CLVS2: variants seen among roughly 807,000 people sequenced by gnomAD.
CLVS2 encodes clavesin 2, also known as clavesin-2.
A neutral mutation model predicts 29.0 loss-of-function variants in CLVS2; 19 were observed. The observed-to-expected ratio is 0.66, with a 90% CI of 0.46 to 0.96. The LOEUF is 0.96. Ranked by LOEUF, CLVS2 falls within the 40% of genes least tolerant of loss-of-function variation. The pLI is 0.00. For synonymous variants in CLVS2, 161 were observed against 151.3 expected, an observed-to-expected ratio of 1.06 and a Z score of -0.47; for missense variants, 294 against 404.1, an observed-to-expected ratio of 0.73 and a Z score of 2.34.
chr6:123,031,773 A>T (rs1455109200), intron 3 of CLVS2, among the ~76,000 whole-genome samples: 2 of 151,762 alleles, frequency 1.3e-5, no homozygotes, highest in African/African-American at 4.8e-5. Flanking sequence ...CCAGGGATGT[A>T]TTGGAAGTCT....
rs141146350 is a variant in CLVS2, at chr6:123,066,998, T to A, written c.*3237T>A. 52 of 151,814 alleles carry A rather than the reference T, an allele frequency of 3.4e-4. No individual in the cohort carries two copies. Among genetic ancestry groups the A allele is most frequent in the African/African-American group, 1.2e-3 (50 of 41,522 alleles). 9.4% of individuals were successfully genotyped at this position (151,814 alleles called of 1,614,324 possible). A position where few individuals can be genotyped will look rare whatever the true frequency, so the allele number is the denominator to read the frequency against. ...ATTAAACAGAGTTTTGCAAGCAAGT[T>A]TTTGAAGTGGGCATGCATGAATTCT... On this transcript the variant is annotated 3_prime_UTR_variant, in exon 6 of 6. Coordinates refer to ENST00000275162, the MANE Select transcript of CLVS2 (RefSeq NM_001010852.4).
chr6:123,022,610 C>G (rs948223646), intron 3 of CLVS2, among the ~76,000 whole-genome samples: 10 of 151,934 alleles, frequency 6.6e-5, no homozygotes, highest in East Asian at 1.9e-4. Flanking sequence ...TTTTTCCCCC[C>G]CCAGGGTAAA....
intron 2 of CLVS2, among the ~76,000 whole-genome samples, chr6:123,000,567 A>G (rs1774576338): frequency 6.6e-6 from 1 of 150,904 alleles, no homozygotes; most frequent in South Asian, 2.1e-4. Context: ...AGGCTCCTTG[A>G]CTCCTACAGA....
intron 5 of CLVS2, among the ~76,000 whole-genome samples, chr6:123,057,334 C>CTTTTTTT (rs71541220): frequency 9.6e-5 from 8 of 83,688 alleles, no homozygotes; most frequent in Non-Finnish European, 1.4e-4. Context: ...GGATGGTCTT[C>CTTTTTTT]TTTTTTTTTT....
At chr6:122,999,849 G>A (rs1484805918) in intron 2 of CLVS2, among the ~76,000 whole-genome samples, 1 of 152,078 alleles carries the variant, frequency 6.6e-6, no homozygotes, top group African/African-American at 2.4e-5. Flanking sequence ...CTATTTTCAT[G>A]AATTTCTATA....
In CLVS2 at chr6:123,064,352, G is replaced by A. The variant is rs1272330422; in HGVS notation, c.*591G>A. On this transcript the variant is annotated 3_prime_UTR_variant, in exon 6 of 6. Coordinates refer to ENST00000275162, the MANE Select transcript of CLVS2 (RefSeq NM_001010852.4). Reference sequence around the variant, plus strand: ...TTTGGAGGCAAGGAATGGCAGATGAGCTGGTAAACTGAACACTTGAACTCT... The same window carrying A: ...TTTGGAGGCAAGGAATGGCAGATGAACTGGTAAACTGAACACTTGAACTCT... 1.3e-5 allele frequency: 2 copies of A among 152,156 alleles called. No homozygotes were observed. Among genetic ancestry groups the A allele is most frequent in the South Asian group, 2.1e-4 (1 of 4,830 alleles). The allele number at this position is 152,156 out of a possible 1,614,324, so 9.4% of individuals were successfully genotyped here.
chr6:123,056,600 C>G (rs764003192), intron 5 of CLVS2, among the ~76,000 whole-genome samples: 1 of 152,120 alleles, frequency 6.6e-6, no homozygotes, highest in Non-Finnish European at 1.5e-5. Context: ...TCTAGCAGGG[C>G]CCTTGGAAGT....
chr6:123,056,032 C>A lies in CLVS2; in HGVS notation c.896+6C>A, dbSNP rs1446269240. 6.2e-7 allele frequency: 1 copy of A among 1,602,236 alleles called. No homozygotes were observed. The highest frequency in any genetic ancestry group is 8.5e-7 in the Non-Finnish European group (1 of 1,170,834). ...TCCCCAAAGTCCATGAAGAGGTATGCTGGAGGTAGACTGGGGAGTGGGCTG... is the reference window on the plus strand; with the variant it reads ...TCCCCAAAGTCCATGAAGAGGTATGATGGAGGTAGACTGGGGAGTGGGCTG... On this transcript the variant is annotated splice_donor_region_variant and intron_variant, in intron 5 of 5. Coordinates refer to ENST00000275162, the MANE Select transcript of CLVS2 (RefSeq NM_001010852.4).
intron 4 of CLVS2, among the ~76,000 whole-genome samples, chr6:123,052,705 T>C (rs1043622127): frequency 5.9e-5 from 9 of 152,110 alleles, no homozygotes; most frequent in African/African-American, 4.8e-5. Flanking sequence ...AAGGGCTGAG[T>C]TGAAAGTTTT....
Position 123,011,008 on chromosome 6 carries a change from G to A in CLVS2, c.413G>A (p.Arg138His), listed in dbSNP as rs776841053. ...AGGTACACACTGGTGGATATTTTGC[G>A]TGCCATCTTACTTTCTTTAGAAGCC... The part of the protein sequence containing the change: ...QSRYTLVDIL[R>H]AILLSLEAMI... Residue 138 changes from arginine to histidine, a missense_variant, in exon 3 of 6, where the codon CGT (arginine) becomes CAT (histidine). By Grantham distance (29) the Arg-to-His change is conservative. Coordinates refer to ENST00000275162, the MANE Select transcript of CLVS2 (RefSeq NM_001010852.4). 9.4e-6 allele frequency: 15 copies of A among 1,601,956 alleles called. No individual in the cohort carries two copies. The highest frequency in any genetic ancestry group is 9.4e-6 in the Non-Finnish European group (11 of 1,173,634).
chr6:123,053,769 T>G (rs1772649291), intron 4 of CLVS2, among the ~76,000 whole-genome samples: 1 of 152,164 alleles, frequency 6.6e-6, no homozygotes, highest in African/African-American at 2.4e-5. Flanking sequence ...GGATGTTCTT[T>G]CTCTGATGGG....
Position 123,066,722 on chromosome 6 carries a change from G to T in CLVS2, c.*2961G>T, listed in dbSNP as rs1444354801. 6.6e-6 allele frequency: 1 copy of T among 151,732 alleles called. No individual in the cohort carries two copies. The highest frequency in any genetic ancestry group is 1.5e-5 in the Non-Finnish European group (1 of 67,762). 9.4% of individuals were successfully genotyped at this position (151,732 alleles called of 1,614,324 possible). On this transcript the variant is annotated 3_prime_UTR_variant, in exon 6 of 6. Transcript: ENST00000275162. ...GAAAATATACTCTAAGAAATATGAA[G>T]AAGTGCCTCTTTGAAAATGGAATAA...
intron 5 of CLVS2, among the ~76,000 whole-genome samples, chr6:123,063,374 C>G (rs1038228534): frequency 3.9e-5 from 6 of 151,962 alleles, no homozygotes; most frequent in Non-Finnish European, 7.4e-5. Flanking sequence ...TTTGTGATAT[C>G]TCAAAGAAAA....
chr6:123,024,779 T>G (rs1774976863), intron 3 of CLVS2, among the ~76,000 whole-genome samples: 2 of 152,248 alleles, frequency 1.3e-5, no homozygotes, highest in Middle Eastern at 3.4e-3. Context: ...AGAAGTATGT[T>G]GGGTGCAATT....
At chr6:123,006,365 G>A (rs1372794665) in intron 2 of CLVS2, among the ~76,000 whole-genome samples, 1 of 152,164 alleles carries the variant, frequency 6.6e-6, no homozygotes, top group East Asian at 1.9e-4. Context: ...AAAGAGCCAT[G>A]GGGGAGTGGT....
chr6:123,004,628 C>T (rs530084925), intron 2 of CLVS2, among the ~76,000 whole-genome samples: 1 of 152,238 alleles, frequency 6.6e-6, no homozygotes, highest in Non-Finnish European at 1.5e-5. Flanking sequence ...AAAAAGCAGA[C>T]CAGGCCAGGC....
At chr6:123,012,271 A>T (rs1562164140) in intron 3 of CLVS2, among the ~76,000 whole-genome samples, 1 of 151,994 alleles carries the variant, frequency 6.6e-6, no homozygotes, top group African/African-American at 2.4e-5. Context: ...TGTGTATATC[A>T]TATAGAATCA....
At chr6:123,014,929 G>T (rs959494643) in intron 3 of CLVS2, among the ~76,000 whole-genome samples, 1 of 152,096 alleles carries the variant, frequency 6.6e-6, no homozygotes, top group Admixed American at 6.6e-5. Context: ...GAATGAGATT[G>T]TTTCACCTGG....
At chr6:123,007,635 T>G (rs1774688110) in intron 2 of CLVS2, among the ~76,000 whole-genome samples, 1 of 152,236 alleles carries the variant, frequency 6.6e-6, no homozygotes, top group South Asian at 2.1e-4. Context: ...GCAGCTTTTA[T>G]TCTTTTCAAG....
Sources: allele counts gnomAD v4.1 joint callset (sites outside exome capture counted in the v4.1 genomes callset), GRCh38; gene constraint gnomAD v4.1.1; transcripts MANE v1.5; gene names NCBI Gene and HGNC (gene_info 2026-07-23, HGNC 2026-07-21).